The following SHANK2 variants were observed in gnomAD, a reference collection of about 807,000 sequenced individuals.
SHANK2 encodes SH3 and multiple ankyrin repeat domains 2.
In SHANK2, 43 loss-of-function variants were observed where a neutral mutation model predicts 133.7. That is an observed-to-expected ratio of 0.32 (90% CI 0.25 to 0.41). The LOEUF (loss-of-function observed/expected upper bound fraction) is 0.41, where lower values mean the gene tolerates loss of function less well. Ranked by LOEUF, SHANK2 falls within the 10% of genes least tolerant of loss-of-function variation. SHANK2 has a pLI of 1.00. For missense variants in SHANK2, 1,994 were observed against 2,235.8 expected, an observed-to-expected ratio of 0.89 and a Z score of 2.18; for synonymous variants, 1,017 against 952.8, an observed-to-expected ratio of 1.07 and a Z score of -1.24.
intron 2 of SHANK2, among the ~76,000 whole-genome samples, chr11:71,198,576 G>A (rs1555116579): frequency 6.6e-6 from 1 of 152,100 alleles, no homozygotes; most frequent in Non-Finnish European, 1.5e-5. Context: ...AGCTGTGAGG[G>A]GTGAGACCAC....
intron 22 of SHANK2, among the ~76,000 whole-genome samples, chr11:70,491,873 C>T (rs1240268119): frequency 6.6e-6 from 1 of 152,146 alleles, no homozygotes; most frequent in Non-Finnish European, 1.5e-5. Context: ...GCCACTGAAG[C>T]CCTTCATGGC....
Position 71,128,070 on chromosome 11 carries a change from G to C in SHANK2, c.208-9038C>G, listed in dbSNP as rs189431720. Among the ~76,000 whole-genome samples, 1,188 of 152,322 alleles carry C rather than the reference G, an allele frequency of 7.8e-3. 15 individuals carry two copies. The highest frequency in any genetic ancestry group is 0.027 in the African/African-American group (1,131 of 41,574). On this transcript the variant is annotated intron_variant, in intron 3 of 25. Transcript: ENST00000601538. Reference sequence around the variant, plus strand: ...GAGCTGACCACTGGGCACCTTGGGTGGGAACACAAGGAGCTGCTCCGACTG... The same window carrying C: ...GAGCTGACCACTGGGCACCTTGGGTCGGAACACAAGGAGCTGCTCCGACTG...
chr11:71,060,583 A>G (rs1481426591), intron 9 of SHANK2, among the ~76,000 whole-genome samples: 1 of 152,264 alleles, frequency 6.6e-6, no homozygotes, highest in Non-Finnish European at 1.5e-5. Flanking sequence ...AGGAAGGCAG[A>G]GGCGGCTTCT....
At chr11:71,073,149 T>TTC (rs1201783985) in intron 9 of SHANK2, among the ~76,000 whole-genome samples, 2 of 32,032 alleles carry the variant, frequency 6.2e-5, no homozygotes, top group African/African-American at 1.0e-4. Flanking sequence ...TTTCTTTTCT[T>TTC]TTTTTTCTTT....
At chr11:71,242,249 T>C (rs1954902880) in intron 1 of SHANK2, among the ~76,000 whole-genome samples, 1 of 152,076 alleles carries the variant, frequency 6.6e-6, no homozygotes, top group African/African-American at 2.4e-5. Context: ...GGTTTGCTAG[T>C]GTTTAGTGGG....
intron 3 of SHANK2, among the ~76,000 whole-genome samples, chr11:71,122,690 G>A (rs1458298670): frequency 5.3e-5 from 8 of 151,838 alleles, no homozygotes; most frequent in East Asian, 1.9e-4. Context: ...TCATGCACAC[G>A]GGGAGACGAC....
intron 17 of SHANK2, among the ~76,000 whole-genome samples, chr11:70,511,147 A>C (rs782396723): frequency 6.6e-6 from 1 of 152,214 alleles, no homozygotes; most frequent in Non-Finnish European, 1.5e-5. Context: ...CCCAGCGCCC[A>C]TCAACACTTC....
At chr11:70,549,991 C>A (rs1554977439) in intron 17 of SHANK2, among the ~76,000 whole-genome samples, 1 of 152,160 alleles carries the variant, frequency 6.6e-6, no homozygotes, top group Non-Finnish European at 1.5e-5. Context: ...TCCCCATGTG[C>A]AGGGCACTGC....
chr11:70,597,991 C>T (rs1182923303), intron 17 of SHANK2, among the ~76,000 whole-genome samples: 2 of 152,226 alleles, frequency 1.3e-5, no homozygotes, highest in Non-Finnish European at 2.9e-5. Flanking sequence ...CCAAGTCTGA[C>T]AGCAGCTCCT....
intron 3 of SHANK2, among the ~76,000 whole-genome samples, chr11:71,140,805 A>G (rs542253957): frequency 6.6e-6 from 1 of 152,370 alleles, no homozygotes; most frequent in South Asian, 2.1e-4. Context: ...CTTCTGACTC[A>G]TGCCAGGACG....
intron 17 of SHANK2, among the ~76,000 whole-genome samples, chr11:70,573,549 C>CA (rs1554983565): frequency 2.9e-5 from 3 of 105,066 alleles, no homozygotes; most frequent in Non-Finnish European, 5.9e-5. Context: ...TGTGTGGGGG[C>CA]GGGGGGGGGG....
Position 71,082,950 on chromosome 11 carries a change from C to A in SHANK2, c.913-7675G>T, listed in dbSNP as rs1054772957. Among the ~76,000 whole-genome samples the A allele has an allele frequency of 5.4e-5, 8 of 148,976 alleles. No individual in the cohort carries two copies. The East Asian group carries it at 6.0e-4, about 11-fold the overall frequency. On this transcript the variant is annotated intron_variant, in intron 8 of 25. Coordinates refer to ENST00000601538, the MANE Select transcript of SHANK2 (RefSeq NM_012309.5). ...GATTGTTTCTTAACGCCCGCCCCCC[C>A]CCCAACCCTTCTGAAACAGGTTCTC...
intron 2 of SHANK2, among the ~76,000 whole-genome samples, chr11:71,209,599 G>A (rs1954209097): frequency 6.6e-6 from 1 of 152,186 alleles, no homozygotes; most frequent in Admixed American, 6.5e-5. Context: ...GTGAACTTCT[G>A]GGAGAGCTGC....
chr11:70,950,880 G>T (rs549149302), intron 10 of SHANK2: 18 of 157,830 alleles, frequency 1.1e-4, no homozygotes, highest in Admixed American at 6.3e-4. Context: ...TGTTGGCCAG[G>T]CTGGCCTCAA....
At chr11:70,736,630 C>T (rs1946410213) in intron 14 of SHANK2, among the ~76,000 whole-genome samples, 2 of 152,316 alleles carry the variant, frequency 1.3e-5, no homozygotes, top group African/African-American at 2.4e-5. Flanking sequence ...CACGGCCCTG[C>T]TGCCACCGTG....
At chr11:71,088,587 C>A (rs1726391141) in intron 8 of SHANK2, among the ~76,000 whole-genome samples, 1 of 152,188 alleles carries the variant, frequency 6.6e-6, no homozygotes, top group African/African-American at 2.4e-5. Flanking sequence ...TCGGTGGAGA[C>A]CCTGTGAGAC....
intron 10 of SHANK2, chr11:70,950,070 T>C (rs572947284): frequency 3.8e-4 from 172 of 456,676 alleles, no homozygotes; most frequent in South Asian, 2.1e-3. Flanking sequence ...TCAGCCCTTT[T>C]TTTGGAGATG....
intron 11 of SHANK2, among the ~76,000 whole-genome samples, chr11:70,877,496 G>A (rs1228096280): frequency 6.6e-6 from 1 of 152,164 alleles, no homozygotes; most frequent in African/African-American, 2.4e-5. Flanking sequence ...GAGAGATCCC[G>A]GCTCCTGCCC....
chr11:70,857,744 A>G (rs1288437730), intron 11 of SHANK2, among the ~76,000 whole-genome samples: 1 of 152,226 alleles, frequency 6.6e-6, no homozygotes, highest in African/African-American at 2.4e-5. Flanking sequence ...CTCTAGGAAG[A>G]ACTGACGGCA....
Sources: allele counts gnomAD v4.1 joint callset (sites outside exome capture counted in the v4.1 genomes callset), GRCh38; gene constraint gnomAD v4.1.1; transcripts MANE v1.5; gene names NCBI Gene and HGNC (gene_info 2026-07-23, HGNC 2026-07-21).